Variants in PLA2G4E observed in about 807,000 individuals in gnomAD.
PLA2G4E encodes cytosolic phospholipase A2 epsilon.
Under a neutral mutation model 109.1 loss-of-function variants are expected in PLA2G4E, and 84 were observed. The ratio of observed to expected loss-of-function variants is 0.77; its 90% CI spans 0.65 to 0.92. The LOEUF is 0.92. PLA2G4E is among the 40% of genes least tolerant of loss of function. The pLI, the probability that PLA2G4E is intolerant of heterozygous loss-of-function variation, is 0.00. For missense variants in PLA2G4E, 1,057 were observed against 1,076.6 expected (o/e 0.98, Z 0.25); for synonymous variants, 469 against 436.1 (o/e 1.08, Z -0.94).
chr15:41,981,797 G>C (rs1257683112), exon 20 of PLA2G4E: 1 of 152,290 alleles, frequency 6.6e-6, no homozygotes, highest in South Asian at 2.1e-4. Context: ...TGCTCTGGTG[G>C]AGGGGAGGGC....
chr15:42,050,493 G>T, intron 1 of PLA2G4E: 1 of 1,543,140 alleles, frequency 6.5e-7, no homozygotes, highest in South Asian at 1.2e-5. Flanking sequence ...TAAGGGACCA[G>T]ACCCCCCTCC....
At chr15:42,013,713 C>T (rs2068560882) in exon 2 of PLA2G4E, 1 of 1,550,594 alleles carries the variant, frequency 6.4e-7, no homozygotes, top group Non-Finnish European at 8.7e-7. Flanking sequence ...CATTTTTCAT[C>T]CGGATGACCC....
intron 1 of PLA2G4E, among the ~76,000 whole-genome samples, chr15:42,027,236 A>G (rs779090311): frequency 1.3e-5 from 2 of 152,204 alleles, no homozygotes; most frequent in Non-Finnish European, 2.9e-5. Flanking sequence ...AACAACTTCA[A>G]TATGGCTAGG....
intron 1 of PLA2G4E, among the ~76,000 whole-genome samples, chr15:42,026,827 G>A (rs2068696449): frequency 6.6e-6 from 1 of 152,012 alleles, no homozygotes; most frequent in Admixed American, 6.6e-5. Flanking sequence ...ACAAAAATTA[G>A]CTGGGCGTGG....
chr15:42,042,193 T>C (rs987971133), intron 1 of PLA2G4E, among the ~76,000 whole-genome samples: 4 of 152,154 alleles, frequency 2.6e-5, no homozygotes, highest in African/African-American at 9.7e-5. Context: ...CAGAGAAAAA[T>C]TAATCACTAT....
At chr15:42,009,832 C>T (rs1220145073) in intron 2 of PLA2G4E, 1 of 161,946 alleles carries the variant, frequency 6.2e-6, no homozygotes, top group East Asian at 1.9e-4. Flanking sequence ...TCCTTGCTAG[C>T]CCCTTGGGAC....
At chr15:42,008,473 C>T (rs971695643) in intron 2 of PLA2G4E, among the ~76,000 whole-genome samples, 1 of 152,248 alleles carries the variant, frequency 6.6e-6, no homozygotes, top group Non-Finnish European at 1.5e-5. Context: ...TCCTGATCTG[C>T]AGCATCAGGT....
Position 42,010,141 on chromosome 15 carries a change from C to A in PLA2G4E, c.257-2276G>T, listed in dbSNP as rs761823236. The A allele has an allele frequency of 8.2e-6, 4 of 485,966 alleles. No homozygotes were observed. The African/African-American group carries it at 8.6e-5, about 10-fold the overall frequency. 30.1% of individuals were successfully genotyped at this position (485,966 alleles called of 1,614,324 possible). On this transcript the variant is annotated intron_variant, in intron 2 of 19. Transcript: ENST00000399518. Reference sequence around the variant, plus strand: ...CTTTTCCAGAACACTGGCCCCCCCACCCCGGGCCTGGACCACACCCTTCAG... The same window carrying A: ...CTTTTCCAGAACACTGGCCCCCCCAACCCGGGCCTGGACCACACCCTTCAG...
At chr15:42,047,884 A>G (rs1889441448) in intron 1 of PLA2G4E, among the ~76,000 whole-genome samples, 1 of 152,242 alleles carries the variant, frequency 6.6e-6, no homozygotes, top group African/African-American at 2.4e-5. Flanking sequence ...TGTTGCATAC[A>G]TATGCACAAT....
chr15:41,997,021 A>G lies in PLA2G4E; in HGVS notation c.1110+103T>C, dbSNP rs2068353183. 2.2e-6 allele frequency: 3 copies of G among 1,384,094 alleles called. No homozygotes were observed. In the African/African-American group the frequency reaches 4.4e-5, roughly 20 times the overall value. 85.7% of individuals were successfully genotyped at this position (1,384,094 alleles called of 1,614,324 possible). A position where few individuals can be genotyped will look rare whatever the true frequency, so the allele number is the denominator to read the frequency against. On this transcript the variant is annotated intron_variant, in intron 11 of 19. Coordinates refer to ENST00000399518, the Ensembl canonical transcript of PLA2G4E. Reference sequence around the variant, plus strand: ...CTGTACCTCAGCAGTAAAAGCATCCATGGAGGTGGCGCCTGGGGTAGGGCA... The same window carrying G: ...CTGTACCTCAGCAGTAAAAGCATCCGTGGAGGTGGCGCCTGGGGTAGGGCA...
At chr15:42,007,296 T>C (rs1374605408) in intron 3 of PLA2G4E, among the ~76,000 whole-genome samples, 1 of 151,932 alleles carries the variant, frequency 6.6e-6, no homozygotes, top group Non-Finnish European at 1.5e-5. Context: ...ACAAATAAAA[T>C]ACACACCCAA....
intron 1 of PLA2G4E, among the ~76,000 whole-genome samples, chr15:42,036,271 G>T (rs1375514144): frequency 6.6e-6 from 1 of 152,110 alleles, no homozygotes; most frequent in African/African-American, 2.4e-5. Context: ...CAGGTCGCCC[G>T]CTGGCAGAGG....
intron 6 of PLA2G4E, among the ~76,000 whole-genome samples, chr15:42,002,274 A>AC (rs2068429172): frequency 6.7e-6 from 1 of 149,454 alleles, no homozygotes; most frequent in African/African-American, 2.5e-5. Flanking sequence ...CAAAAAAAAA[A>AC]AAAAAAAAAA....
Position 42,013,699 on chromosome 15 carries a change from C to T in PLA2G4E, c.242G>A (p.Arg81Gln), listed in dbSNP as rs114855106. Residue 81 changes from arginine (R) to glutamine (Q), a missense_variant, in exon 2 of 20, where the codon CGG (arginine) becomes CAG (glutamine). Arg to Gln is a conservative substitution (Grantham distance 43, BLOSUM62 1). Coordinates refer to ENST00000399518, the Ensembl canonical transcript of PLA2G4E. ...TGGATACTCACGCATATCAGCCTGC[C>T]GGACATTTTTCATCCGGATGACCCT... The T allele has an allele frequency of 1.8e-3, 2,777 of 1,550,450 alleles. 48 individuals carry two copies. The African/African-American group carries it at 0.035, about 19-fold the overall frequency.
intron 1 of PLA2G4E, among the ~76,000 whole-genome samples, chr15:42,043,960 G>C (rs1031863712): frequency 6.6e-6 from 1 of 152,104 alleles, no homozygotes; most frequent in Non-Finnish European, 1.5e-5. Context: ...AAATAAATTG[G>C]AAAGAACTAA....
chr15:41,991,222 CCCTG>C (rs1260189588), intron 13 of PLA2G4E, among the ~76,000 whole-genome samples: 3 of 152,178 alleles, frequency 2.0e-5, no homozygotes, highest in Non-Finnish European at 4.4e-5. Context: ...TCAACAACAA[CCCTG>C]CCCTTGCTTT....
chr15:42,001,944 T>G lies in PLA2G4E; in HGVS notation c.609+710A>C, dbSNP rs552294585. Among the ~76,000 whole-genome samples, 193 of 152,302 alleles carry G rather than the reference T, an allele frequency of 1.3e-3. 2 individuals are homozygous for G. The highest frequency in any genetic ancestry group is 6.8e-3 in the Middle Eastern group (2 of 294). On this transcript the variant is annotated intron_variant, in intron 6 of 19. Coordinates refer to ENST00000399518, the Ensembl canonical transcript of PLA2G4E. ...CCGGGCTCAAGTGATCCCCCAACCT[T>G]GGCCTCCCAAAGTGCTGGGATTATA...
At chr15:41,991,331 C>T (rs960739204) in intron 13 of PLA2G4E, among the ~76,000 whole-genome samples, 2 of 152,208 alleles carry the variant, frequency 1.3e-5, no homozygotes, top group East Asian at 3.9e-4. Context: ...ATGCGGCACT[C>T]ATGATTGTTA....
chr15:41,999,551 T>C, exon 10 of PLA2G4E: 1 of 1,612,158 alleles, frequency 6.2e-7, no homozygotes, highest in South Asian at 1.1e-5. Context: ...GTGTAATTCA[T>C]AACTCTCACC....
Sources: allele counts gnomAD v4.1 joint callset (sites outside exome capture counted in the v4.1 genomes callset), GRCh38; gene constraint gnomAD v4.1.1; transcripts MANE v1.5; gene names NCBI Gene and HGNC (gene_info 2026-07-23, HGNC 2026-07-21).